ARMC9: variants seen among roughly 807,000 people sequenced by gnomAD.
ARMC9 encodes lisH domain-containing protein ARMC9.
In ARMC9, 94 loss-of-function variants were observed where a neutral mutation model predicts 107.0. That is an observed-to-expected ratio of 0.88 (90% CI 0.74 to 1.04). The LOEUF is 1.04. Ranked by LOEUF, ARMC9 falls within the 50% of genes least tolerant of loss-of-function variation. The pLI is 0.00. For synonymous variants in ARMC9, 380 were observed against 396.9 expected (o/e 0.96, Z 0.51); for missense variants, 942 against 1,030.1 (o/e 0.91, Z 1.17).
At chr2:231,256,663 AT>A in intron 10 of ARMC9, 43 bp downstream of exon 10, 1 of 1,592,946 alleles carries the variant, frequency 6.3e-7, no homozygotes, top group Non-Finnish European at 8.6e-7. Flanking sequence ...GAGAACAGCA[AT>A]GTGTAAAACG....
chr2:231,343,592 C>T (rs1441604841), intron 20 of ARMC9, among the ~76,000 whole-genome samples: 2 of 152,108 alleles, frequency 1.3e-5, no homozygotes, highest in Non-Finnish European at 2.9e-5. Context: ...ACTTTATTCA[C>T]ATTTCACTAG....
At chr2:231,311,794 AAATAT>A (rs1410413399) in intron 19 of ARMC9, among the ~76,000 whole-genome samples, 1 of 149,130 alleles carries the variant, frequency 6.7e-6, no homozygotes, top group Non-Finnish European at 1.5e-5. Context: ...AAAAAAAAAA[AAATAT>A]TGTGCAGGGG....
chr2:231,332,416 T>C (rs2043804216), intron 20 of ARMC9, among the ~76,000 whole-genome samples: 1 of 151,992 alleles, frequency 6.6e-6, no homozygotes, highest in African/African-American at 2.4e-5. Flanking sequence ...GAGTAGTCAC[T>C]GCGTCTTCAG....
chr2:231,280,390 GGAGGTTGTAGT>G (rs1243308149), intron 16 of ARMC9, among the ~76,000 whole-genome samples: 1 of 152,170 alleles, frequency 6.6e-6, no homozygotes, highest in Non-Finnish European at 1.5e-5. Flanking sequence ...CCTGGGAGGT[GGAGGTTGTAGT>G]GAGCTGAGAT....
chr2:231,238,906 C>A (rs959831114), intron 8 of ARMC9, among the ~76,000 whole-genome samples: 1 of 152,188 alleles, frequency 6.6e-6, no homozygotes, highest in Admixed American at 6.5e-5. Context: ...AAGGGCCCAG[C>A]CCTTTCCAGC....
At chr2:231,339,156 C>T (rs997254972) in intron 20 of ARMC9, among the ~76,000 whole-genome samples, 12 of 151,788 alleles carry the variant, frequency 7.9e-5, no homozygotes, top group African/African-American at 2.7e-4. Flanking sequence ...GGTGAAACTC[C>T]GTCTCTACTA....
chr2:231,289,402 G>A (rs1464721898), intron 17 of ARMC9, among the ~76,000 whole-genome samples: 1 of 152,204 alleles, frequency 6.6e-6, no homozygotes, highest in Admixed American at 6.5e-5. Flanking sequence ...TGGAGTTGGA[G>A]GTTGCAGTGA....
chr2:231,319,540 G>A lies in ARMC9; in HGVS notation c.1774-12253G>A, dbSNP rs573899458. 8.5e-5 allele frequency among the ~76,000 whole-genome samples: 13 copies of A among 152,252 alleles called. No individual in the cohort carries two copies. The South Asian group carries it at 1.2e-3, about 15-fold the overall frequency. On this transcript the variant is annotated intron_variant, in intron 19 of 24. Coordinates refer to ENST00000611582, the MANE Select transcript of ARMC9 (RefSeq NM_001352754.2). ...CATAAATCACCTGGCGGTCCCAGGC[G>A]CCCATGCTCCTTAAACTGCTAAGTG...
chr2:231,319,429 C>G (rs576197938), intron 19 of ARMC9, among the ~76,000 whole-genome samples: 3 of 152,264 alleles, frequency 2.0e-5, no homozygotes, highest in African/African-American at 7.2e-5. Context: ...CGAACCTGAG[C>G]AATGCTCAGC....
At chr2:231,291,527 C>T (rs1574970761) in intron 18 of ARMC9, 84 bp downstream of exon 18, 1 of 1,410,280 alleles carries the variant, frequency 7.1e-7, no homozygotes, top group Non-Finnish European at 9.8e-7. Flanking sequence ...ATTCAAGAGG[C>T]CTTTAGGAAG....
intron 1 of ARMC9, among the ~76,000 whole-genome samples, chr2:231,204,449 G>A (rs945785981): frequency 2.6e-5 from 4 of 152,144 alleles, no homozygotes; most frequent in African/African-American, 9.7e-5. Flanking sequence ...TTGCTGAAAT[G>A]TCACATTCCC....
At chr2:231,231,728 G>GC (rs2035241163) in intron 7 of ARMC9, among the ~76,000 whole-genome samples, 1 of 150,774 alleles carries the variant, frequency 6.6e-6, no homozygotes, top group African/African-American at 2.4e-5. Flanking sequence ...TGGCTTTGTC[G>GC]CCCAGCATGG....
At chr2:231,199,366 G>A (rs2030360307) in intron 1 of ARMC9, among the ~76,000 whole-genome samples, 1 of 152,196 alleles carries the variant, frequency 6.6e-6, no homozygotes. Flanking sequence ...TGCCTGCCAC[G>A]GTGTTCAGTA....
chr2:231,312,106 T>G (rs1440670401), intron 19 of ARMC9, among the ~76,000 whole-genome samples: 1 of 152,182 alleles, frequency 6.6e-6, no homozygotes, highest in African/African-American at 2.4e-5. Flanking sequence ...CCCAATTCTG[T>G]GGGTTGGCTT....
At chr2:231,238,308 G>A (rs2035961763) in intron 8 of ARMC9, among the ~76,000 whole-genome samples, 1 of 152,076 alleles carries the variant, frequency 6.6e-6, no homozygotes, top group Non-Finnish European at 1.5e-5. Flanking sequence ...GAAGGAATAA[G>A]TATAGAAAGA....
At chr2:231,296,390 A>G (rs2041368142) in intron 19 of ARMC9, 137 bp downstream of exon 19, 1 of 806,788 alleles carries the variant, frequency 1.2e-6, no homozygotes, top group African/African-American at 1.7e-5. Flanking sequence ...GGGTTGGCTA[A>G]AGCTCAGCTG....
chr2:231,328,006 A>C (rs1351539915), intron 19 of ARMC9, among the ~76,000 whole-genome samples: 7 of 152,082 alleles, frequency 4.6e-5, no homozygotes, highest in African/African-American at 1.2e-4. Context: ...GCTGGTCTCA[A>C]ACTCCTGATT....
At chr2:231,204,568 G>A (rs1031275893) in intron 1 of ARMC9, among the ~76,000 whole-genome samples, 3 of 151,952 alleles carry the variant, frequency 2.0e-5, no homozygotes, top group South Asian at 2.1e-4. Context: ...TTTCCACTCC[G>A]TCCATGTTTT....
chr2:231,376,577 A>T lies in ARMC9; in HGVS notation c.*5042A>T, dbSNP rs2046205210. Among the ~76,000 whole-genome samples, 1 of 152,200 alleles carries T rather than the reference A, an allele frequency of 6.6e-6. No individual in the cohort carries two copies. Among genetic ancestry groups the T allele is most frequent in the Non-Finnish European group, 1.5e-5 (1 of 68,036 alleles). ...TGCTCTCAAACCCTGTCTCCTGATA[A>T]GATGTTATCAATGACAATGGTGCCC... is the stretch of plus-strand genomic sequence containing the variant. On this transcript the variant is annotated 3_prime_UTR_variant, in exon 25 of 25. Coordinates refer to ENST00000611582, the MANE Select transcript of ARMC9 (RefSeq NM_001352754.2).
Sources: gnomAD v4.1 joint callset for allele counts (sites outside exome capture counted in the v4.1 genomes callset) on GRCh38, gnomAD v4.1.1 for gene constraint, MANE v1.5 for transcripts, NCBI Gene and HGNC (gene_info 2026-07-23, HGNC 2026-07-21) for gene names.